CNTNAP1: variants seen among roughly 807,000 people sequenced by gnomAD.
The protein encoded by CNTNAP1 is contactin-associated protein 1.
Under a neutral mutation model 161.5 loss-of-function variants are expected in CNTNAP1, and 80 were observed. The observed-to-expected ratio is 0.50, with a 90% CI of 0.41 to 0.60. The LOEUF (loss-of-function observed/expected upper bound fraction) is 0.60. CNTNAP1 is among the 20% of genes least tolerant of loss of function. CNTNAP1 has a pLI of 0.00. For synonymous variants in CNTNAP1, 695 were observed against 733.1 expected (o/e 0.95, Z 0.84); for missense variants, 1,464 against 1,854.8 (o/e 0.79, Z 3.87).
chr17:42,688,867 T>C lies in CNTNAP1; in HGVS notation c.1457-9T>C. On this transcript the variant is annotated splice_polypyrimidine_tract_variant and intron_variant, in intron 9 of 23. Coordinates refer to ENST00000264638, the MANE Select transcript of CNTNAP1 (RefSeq NM_003632.3). ...CCTGGGGAGGATCTCACAGGGGTGGTTGCTCCAGGTTGTCCCAAGCCAGCC... is the reference window on the plus strand; with the variant it reads ...CCTGGGGAGGATCTCACAGGGGTGGCTGCTCCAGGTTGTCCCAAGCCAGCC... 1 of 1,613,674 alleles carries C rather than the reference T, an allele frequency of 6.2e-7. No individual in the cohort carries two copies.
chr17:42,688,833 G>A (rs1372825328), intron 9 of CNTNAP1, 43 bp from the exon 10 acceptor site: 3 of 1,609,238 alleles, frequency 1.9e-6, no homozygotes, highest in Non-Finnish European at 2.5e-6. Flanking sequence ...GAGGGTCTTT[G>A]GGGTCTCCCC....
intron 17 of CNTNAP1, 79 bp downstream of exon 17, chr17:42,692,799 G>GCCT: frequency 7.4e-7 from 1 of 1,359,212 alleles, no homozygotes; most frequent in Non-Finnish European, 1.0e-6. Context: ...GTTTCCAGGA[G>GCCT]CCTCCTGTCT....
chr17:42,696,905 G>A (rs2053158995), intron 20 of CNTNAP1, among the ~76,000 whole-genome samples: 1 of 152,078 alleles, frequency 6.6e-6, no homozygotes, highest in South Asian at 2.1e-4. Flanking sequence ...CAGGTGCAGC[G>A]GCTCACACCT....
intron 10 of CNTNAP1, 77 bp from the exon 11 acceptor site, chr17:42,689,444 G>A: frequency 8.6e-7 from 1 of 1,161,384 alleles, no homozygotes; most frequent in African/African-American, 1.5e-5. Flanking sequence ...GGAGCTGGGA[G>A]TGAAGCTTGC....
rs1222304074 is a variant in CNTNAP1 at position 42,685,214 on chromosome 17, C to G, written c.512-3C>G. On this transcript the variant is annotated splice_region_variant and splice_polypyrimidine_tract_variant and intron_variant, in intron 4 of 23. Transcript: ENST00000264638. This position sits in a 1 kb window ranked among gnomAD's most constrained non-coding sequence, Gnocchi z 5.0. Reference sequence around the variant, plus strand: ...CCCGGCCCACCTACGGTCCTTTGCGCAGAGGCCGACATACTCTATTTCGAC... The same window carrying G: ...CCCGGCCCACCTACGGTCCTTTGCGGAGAGGCCGACATACTCTATTTCGAC... 1 of 1,613,506 alleles carries G rather than the reference C, an allele frequency of 6.2e-7. No homozygotes were observed. Among genetic ancestry groups the G allele is most frequent in the Non-Finnish European group, 8.5e-7 (1 of 1,180,022 alleles).
intron 11 of CNTNAP1, chr17:42,689,850 C>G: frequency 1.7e-6 from 1 of 576,876 alleles, no homozygotes; most frequent in South Asian, 2.0e-5. Flanking sequence ...AAGCGATTCT[C>G]CTGCCTCAGC....
At chr17:42,686,469 G>GTTTTTTTTTTTTTTTTTTTTTT (rs748366958) in intron 6 of CNTNAP1, among the ~76,000 whole-genome samples, 7 of 71,364 alleles carry the variant, frequency 9.8e-5, no homozygotes, top group Admixed American at 1.7e-4. Flanking sequence ...AAAAAGGCCT[G>GTTTTTTTTTTTTTTTTTTTTTT]TTTTTTTTTT....
chr17:42,684,033 T>G lies in CNTNAP1; in HGVS notation c.170-3T>G. 6.2e-7 allele frequency: 1 copy of G among 1,614,046 alleles called. No homozygotes were observed. Among genetic ancestry groups the G allele is most frequent in the Non-Finnish European group, 8.5e-7 (1 of 1,179,934 alleles). ...CCGGTTAAAGCTCCTGTCCTTTCTA[T>G]AGGCATAAGCGGGTGGTCACCACGG... On this transcript the variant is annotated splice_polypyrimidine_tract_variant and splice_region_variant and intron_variant, in intron 2 of 23. Transcript: ENST00000264638.
Position 42,693,311 on chromosome 17 carries a change from A to T in CNTNAP1, c.2767A>T (p.Lys923Ter). The change falls in exon 18 of 24, where the codon AAG becomes TAG. Residue 923 changes from lysine (K) to a stop codon, truncating the protein, a stop_gained. Coordinates refer to ENST00000264638, the MANE Select transcript of CNTNAP1 (RefSeq NM_003632.3). LOFTEE classifies it high-confidence loss of function. The stretch of plus-strand genomic sequence containing the variant: ...ACCCTTCCCAGGATCTGCAGAGCTT[A>T]AGAGACGCCCCTTTGTGGGTTGCTT... ...QPLYVGSAELKRRPFVGCLRA... is the reference protein window; with the variant it reads ...QPLYVGSAEL The T allele has an allele frequency of 6.2e-7, 1 of 1,614,136 alleles. No individual in the cohort carries two copies. Among genetic ancestry groups the T allele is most frequent in the Non-Finnish European group, 8.5e-7 (1 of 1,179,996 alleles).
chr17:42,698,491 T>A, intron 23 of CNTNAP1, 127 bp from the exon 24 acceptor site: 2 of 669,992 alleles, frequency 3.0e-6, no homozygotes, highest in Non-Finnish European at 4.9e-6. Context: ...GCAGGTGAAA[T>A]CCCAAAGTGT....
At chr17:42,698,590 T>A (rs771543133) in intron 23 of CNTNAP1, 28 bp from the exon 24 acceptor site, 1 of 1,558,598 alleles carries the variant, frequency 6.4e-7, no homozygotes, top group Non-Finnish European at 8.7e-7. Flanking sequence ...ATCCCAAAGA[T>A]CTGAATTGTC....
At chr17:42,689,119 TC>T in intron 10 of CNTNAP1, 72 bp downstream of exon 10, 5 of 1,424,666 alleles carry the variant, frequency 3.5e-6, no homozygotes, top group Non-Finnish European at 3.8e-6. Flanking sequence ...AGGAATGGCC[TC>T]TTTCAATAAT....
At position 42,687,712 on chromosome 17, in the gene CNTNAP1, G is replaced by T; in HGVS notation, c.1045-8G>T. ...CGGGTGTTGATGCGTCTTCACTTTT[G>T]CCCCTAGGGTAAGGTGGCTTTTCGT... On this transcript the variant is annotated splice_region_variant and splice_polypyrimidine_tract_variant and intron_variant, in intron 7 of 23. Transcript: ENST00000264638. The surrounding 1 kb of genome is among the most constrained non-coding windows in gnomAD (Gnocchi z 4.7). 1 of 1,613,238 alleles carries T rather than the reference G, an allele frequency of 6.2e-7. No homozygotes were observed. Among genetic ancestry groups the T allele is most frequent in the Non-Finnish European group, 8.5e-7 (1 of 1,179,350 alleles).
rs772962703 is a variant in CNTNAP1, at chr17:42,688,557, G to A, written c.1402G>A (p.Val468Ile). The change falls in exon 9 of 24, where the codon GTC becomes ATC. Residue 468 changes from valine to isoleucine, a missense_variant. Val to Ile is a conservative substitution (Grantham distance 29). Around this residue, in one of 3 missense-constraint regions of CNTNAP1, gnomAD observed 1,383 missense variants for 1,765.0 expected, o/e 0.78. Transcript: ENST00000264638. ...ISIDDVEGAE[V>I]RVSYPLLIRT... ...CATTGATGATGTGGAAGGGGCAGAG[G>A]TCAGGGTCTCATACCCGTTGCTGAT... The A allele has an allele frequency of 3.1e-6, 5 of 1,614,186 alleles. No homozygotes were observed. The highest frequency in any genetic ancestry group is 4.2e-6 in the Non-Finnish European group (5 of 1,180,032).
rs908019467 is a variant in CNTNAP1, at chr17:42,690,171, C to T, written c.1819C>T (p.Pro607Ser). The T allele has an allele frequency of 2.5e-6, 4 of 1,614,006 alleles. No homozygotes were observed. Among genetic ancestry groups the T allele is most frequent in the Non-Finnish European group, 3.4e-6 (4 of 1,179,974 alleles). ...NFTIDPDGSG[P>S]LKPFVVYCDI... ...CACCATTGATCCTGATGGCAGTGGC[C>T]CCCTGAAGCCATTTGTAGTGTACTG... Residue 607 changes from proline (P) to serine (S), a missense_variant, in exon 12 of 24, where the codon CCC (proline) becomes TCC (serine). Transcript: ENST00000264638.
chr17:42,689,458 G>T, intron 10 of CNTNAP1, 63 bp from the exon 11 acceptor site: 1 of 1,312,602 alleles, frequency 7.6e-7, no homozygotes, highest in South Asian at 1.3e-5. Flanking sequence ...AGCTTGCAGG[G>T]ATCAGACCCC....
At chr17:42,684,322 G>A in intron 3 of CNTNAP1, 93 bp downstream of exon 3, 3 of 1,261,588 alleles carry the variant, frequency 2.4e-6, no homozygotes, top group Non-Finnish European at 3.3e-6. Context: ...GGAGGGGGTG[G>A]TGGTGAGGGC....
chr17:42,684,013 T>C (rs1481469107), intron 2 of CNTNAP1, 23 bp from the exon 3 acceptor site: 2 of 1,613,516 alleles, frequency 1.2e-6, no homozygotes, highest in Non-Finnish European at 1.7e-6. Flanking sequence ...GATAGCCGGT[T>C]AAAGCTCCTG....
rs1049892466 is a variant in CNTNAP1, at chr17:42,686,001, G to A, written c.760G>A (p.Ala254Thr). ...QPRPGHTTVS[A>T]GGVLNDQHWH... ...AAGACCAGGTCACACCACCGTGAGC[G>A]CAGGCGGAGTCCTCAATGACCAGCA... is the stretch of plus-strand genomic sequence containing the variant. The change falls in exon 6 of 24, where the codon GCA becomes ACA. Residue 254 changes from alanine to threonine, a missense_variant. Ala to Thr is a moderately conservative substitution (Grantham distance 58). Coordinates refer to ENST00000264638, the MANE Select transcript of CNTNAP1 (RefSeq NM_003632.3). 20 of 1,614,076 alleles carry A rather than the reference G, an allele frequency of 1.2e-5. No homozygotes were observed. Among genetic ancestry groups the A allele is most frequent in the Admixed American group, 5.0e-5 (3 of 60,000 alleles).
Sources: gnomAD v4.1 joint callset for allele counts (sites outside exome capture counted in the v4.1 genomes callset) on GRCh38, gnomAD v4.1.1 for gene constraint, gnomAD v4.1.1 regional missense constraint, Gnocchi (gnomAD v3.1) non-coding constraint, MANE v1.5 for transcripts, NCBI Gene and HGNC (gene_info 2026-07-23, HGNC 2026-07-21) for gene names.